TIPIN: variants seen among roughly 807,000 people sequenced by gnomAD.
TIPIN encodes TIMELESS interacting protein.
TIPIN carries 29 observed loss-of-function variants against 35.6 expected under a neutral mutation model. The observed-to-expected ratio is 0.82, with a 90% CI of 0.61 to 1.11. The LOEUF is 1.11. TIPIN is among the 50% of genes most tolerant of loss of function. The probability of loss-of-function intolerance (pLI) is 0.00; values close to 1 mark genes in which losing one functional copy is unlikely to be tolerated. For missense variants in TIPIN, 296 were observed against 345.4 expected, an observed-to-expected ratio of 0.86 and a Z score of 1.13; for synonymous variants, 102 against 121.5, an observed-to-expected ratio of 0.84 and a Z score of 1.06.
intron 6 of TIPIN, among the ~76,000 whole-genome samples, chr15:66,346,597 C>T (rs1328366036): frequency 6.6e-6 from 1 of 152,042 alleles, no homozygotes; most frequent in African/African-American, 2.4e-5. Flanking sequence ...CTGTATTTGC[C>T]CACAAAGGGG....
At chr15:66,363,941 C>T (rs760516028) in intron 1 of TIPIN, among the ~76,000 whole-genome samples, 42 of 151,460 alleles carry the variant, frequency 2.8e-4, no homozygotes, top group Non-Finnish European at 3.5e-4. Context: ...TGAGACTGCA[C>T]CACTGCACTC....
At chr15:66,386,648 A>C (rs914905884) in exon 1 of TIPIN, 2 of 175,426 alleles carry the variant, frequency 1.1e-5, no homozygotes, top group East Asian at 2.0e-4. Context: ...TGGAGAGCTC[A>C]CCACACAGCG....
chr15:66,378,156 C>T (rs1458110510), intron 1 of TIPIN, among the ~76,000 whole-genome samples: 1 of 152,216 alleles, frequency 6.6e-6, no homozygotes, highest in Non-Finnish European at 1.5e-5. Flanking sequence ...GTGTATGCAA[C>T]CATGTCCGGC....
intron 1 of TIPIN, among the ~76,000 whole-genome samples, chr15:66,354,786 A>G (rs1387319413): frequency 6.6e-6 from 1 of 152,152 alleles, no homozygotes; most frequent in Non-Finnish European, 1.5e-5. Context: ...CCAGATCTCA[A>G]CTATCACCTT....
At position 66,337,150 on chromosome 15, in the gene TIPIN, C is replaced by T. The variant is rs767404423; in HGVS notation, c.714G>A (p.Thr238=). Reference sequence around the variant, plus strand: ...CCTCATCAGTATTAACCTCTTCAACCGTGTGTGCCCTGGGTGTATTCATTA... The same window carrying T: ...CCTCATCAGTATTAACCTCTTCAACTGTGTGTGCCCTGGGTGTATTCATTA... ...DMLMNTPRAH[T]VEEVNTDEDQ... is the part of the protein sequence containing the mutation. Residue 238 remains threonine (T), a synonymous_variant, in exon 8 of 8, where the codon ACG becomes ACA. Coordinates refer to ENST00000261881, the MANE Select transcript of TIPIN (RefSeq NM_017858.3). The T allele has an allele frequency of 1.2e-5, 20 of 1,613,734 alleles. No individual in the cohort carries two copies. Among genetic ancestry groups the T allele is most frequent in the East Asian group, 2.2e-5 (1 of 44,878 alleles).
At chr15:66,378,107 A>G (rs1328142897) in intron 1 of TIPIN, among the ~76,000 whole-genome samples, 2 of 151,904 alleles carry the variant, frequency 1.3e-5, no homozygotes, top group Non-Finnish European at 2.9e-5. Context: ...GGTTCAAGTA[A>G]TTCTCCTGCC....
chr15:66,375,017 A>AT (rs963280000), intron 1 of TIPIN, among the ~76,000 whole-genome samples: 30 of 151,758 alleles, frequency 2.0e-4, no homozygotes, highest in South Asian at 4.2e-4. Context: ...GGCTTTGCCC[A>AT]TTTTTTTTGG....
intron 1 of TIPIN, among the ~76,000 whole-genome samples, chr15:66,364,567 G>C (rs975590527): frequency 6.6e-6 from 1 of 152,070 alleles, no homozygotes; most frequent in Admixed American, 6.6e-5. Flanking sequence ...ATTAATAAGA[G>C]AAAAGGATTA....
At chr15:66,360,368 G>A (rs749668945), upstream of TIPIN, among the ~76,000 whole-genome samples, 5 of 152,204 alleles carry the variant, frequency 3.3e-5, no homozygotes, top group Non-Finnish European at 2.9e-5. Flanking sequence ...CACTTTGGGA[G>A]GCTGAGACAG....
chr15:66,355,269 G>A (rs1344037726), intron 1 of TIPIN, among the ~76,000 whole-genome samples: 1 of 150,592 alleles, frequency 6.6e-6, no homozygotes, highest in Admixed American at 6.6e-5. Flanking sequence ...TCCTGACCTC[G>A]TGATCCGCCC....
intron 1 of TIPIN, among the ~76,000 whole-genome samples, chr15:66,368,365 A>T (rs1377457470): frequency 6.6e-6 from 1 of 151,738 alleles, no homozygotes; most frequent in Non-Finnish European, 1.5e-5. Flanking sequence ...ACAAAAAAAA[A>T]AAAAGCGCTG....
chr15:66,377,877 C>T (rs1000330112), intron 1 of TIPIN, among the ~76,000 whole-genome samples: 3 of 152,016 alleles, frequency 2.0e-5, no homozygotes, highest in East Asian at 1.9e-4. Context: ...GACGGAGTCT[C>T]GCTCTGTTGC....
At chr15:66,348,185 T>G (rs2140455693) in intron 6 of TIPIN, 1 of 151,896 alleles carries the variant, frequency 6.6e-6, no homozygotes, top group East Asian at 1.9e-4. Flanking sequence ...TTTTAAAAAT[T>G]TTTGTAGATG....
At chr15:66,351,829 C>T (rs998748855) in intron 3 of TIPIN, among the ~76,000 whole-genome samples, 5 of 151,950 alleles carry the variant, frequency 3.3e-5, no homozygotes, top group East Asian at 1.9e-4. Context: ...TTAGTAGAGA[C>T]GGGGTTTCAC....
At chr15:66,363,623 C>A (rs562703246) in intron 1 of TIPIN, among the ~76,000 whole-genome samples, 1 of 151,620 alleles carries the variant, frequency 6.6e-6, no homozygotes, top group South Asian at 2.1e-4. Context: ...GCCTGGGCAA[C>A]AGAGCGAGAT....
intron 6 of TIPIN, among the ~76,000 whole-genome samples, chr15:66,343,484 A>G (rs1239699052): frequency 6.6e-6 from 1 of 152,172 alleles, no homozygotes; most frequent in East Asian, 1.9e-4. Flanking sequence ...CTTTACAATT[A>G]TTTCAGTGAG....
At chr15:66,348,578 C>T (rs1343959451) in intron 6 of TIPIN, among the ~76,000 whole-genome samples, 1 of 150,910 alleles carries the variant, frequency 6.6e-6, no homozygotes, top group Non-Finnish European at 1.5e-5. Flanking sequence ...ATCCCAGCTA[C>T]TCAGGAGGCT....
chr15:66,354,480 A>G (rs558926325), intron 1 of TIPIN, among the ~76,000 whole-genome samples: 39 of 152,228 alleles, frequency 2.6e-4, no homozygotes, highest in Middle Eastern at 6.8e-3. Context: ...GCATTACTCC[A>G]CTACTCTCAT....
intron 6 of TIPIN, among the ~76,000 whole-genome samples, chr15:66,347,572 C>G (rs1031629138): frequency 6.6e-6 from 1 of 152,062 alleles, no homozygotes; most frequent in Non-Finnish European, 1.5e-5. Context: ...ATACAACATT[C>G]TAGATGTACC....
Sources: allele counts gnomAD v4.1 joint callset (sites outside exome capture counted in the v4.1 genomes callset), GRCh38; gene constraint gnomAD v4.1.1; transcripts MANE v1.5; gene names NCBI Gene and HGNC (gene_info 2026-07-23, HGNC 2026-07-21).